Variants in OXCT1 observed in about 807,000 individuals in gnomAD.
OXCT1 encodes succinyl-CoA:3-ketoacid coenzyme A transferase 1, mitochondrial.
In OXCT1, 27 loss-of-function variants were observed where a neutral mutation model predicts 69.6. The observed-to-expected ratio is 0.39, with a 90% CI of 0.29 to 0.54. The LOEUF (loss-of-function observed/expected upper bound fraction) is 0.54, where lower values mean the gene tolerates loss of function less well. Among genes scored for constraint, OXCT1 ranks in the 20% least tolerant of loss-of-function variants. The pLI is 0.72. For missense variants in OXCT1, 437 were observed against 650.2 expected (o/e 0.67, Z 3.57); for synonymous variants, 202 against 217.8 (o/e 0.93, Z 0.64).
intron 7 of OXCT1, among the ~76,000 whole-genome samples, chr5:41,835,022 A>G (rs1435967784): frequency 1.3e-5 from 2 of 152,230 alleles, no homozygotes; most frequent in East Asian, 3.9e-4. Flanking sequence ...CAAAAGAACA[A>G]TGAAACAAAA....
At chr5:41,732,782 G>A (rs1041780328) in intron 16 of OXCT1, among the ~76,000 whole-genome samples, 2 of 152,158 alleles carry the variant, frequency 1.3e-5, no homozygotes, top group Non-Finnish European at 2.9e-5. Flanking sequence ...TCCTAATAGA[G>A]GTTAAATCAT....
chr5:41,854,540 ATT>A (rs1749338424), intron 3 of OXCT1, among the ~76,000 whole-genome samples: 1 of 152,166 alleles, frequency 6.6e-6, no homozygotes, highest in Non-Finnish European at 1.5e-5. Context: ...GAAATAAAAC[ATT>A]TCTAAGATAA....
intron 1 of OXCT1, among the ~76,000 whole-genome samples, chr5:41,863,025 G>A (rs184186741): frequency 7.5e-4 from 114 of 151,996 alleles, no homozygotes; most frequent in Non-Finnish European, 1.4e-3. Flanking sequence ...AGGAAAGTAC[G>A]GTACAATAAG....
At chr5:41,777,265 T>A (rs7733096) in intron 13 of OXCT1, among the ~76,000 whole-genome samples, 58,674 of 151,460 alleles carry the variant, frequency 0.39, 14,058 homozygotes, top group African/African-American at 0.68. Context: ...AAAATACAAT[T>A]ATTAGCCGGG....
chr5:41,859,813 A>G (rs542732635), intron 3 of OXCT1, among the ~76,000 whole-genome samples: 15 of 146,770 alleles, frequency 1.0e-4, no homozygotes, highest in Admixed American at 2.1e-4. Context: ...TTTTAGAGTG[A>G]TAGACTGACC....
At chr5:41,846,534 T>G (rs1383917489) in intron 5 of OXCT1, among the ~76,000 whole-genome samples, 3 of 150,044 alleles carry the variant, frequency 2.0e-5, no homozygotes, top group East Asian at 2.0e-4. Context: ...TCTATCATTG[T>G]TGGACATTTG....
intron 7 of OXCT1, among the ~76,000 whole-genome samples, chr5:41,836,554 GAC>G (rs1007158030): frequency 6.6e-6 from 1 of 152,188 alleles, no homozygotes; most frequent in Non-Finnish European, 1.5e-5. Context: ...TTTTGTGGAA[GAC>G]ACTTTTTCCA....
At chr5:41,779,591 C>T (rs1745296762) in intron 13 of OXCT1, among the ~76,000 whole-genome samples, 1 of 152,050 alleles carries the variant, frequency 6.6e-6, no homozygotes, top group Non-Finnish European at 1.5e-5. Context: ...TCTATGCTTA[C>T]TCACTTTCTA....
chr5:41,760,918 TC>T (rs1469028067), intron 14 of OXCT1, among the ~76,000 whole-genome samples: 1 of 152,110 alleles, frequency 6.6e-6, no homozygotes, highest in Non-Finnish European at 1.5e-5. Context: ...AACCAAACTT[TC>T]CCAGGGGAAG....
At chr5:41,866,364 A>G (rs1028073400) in intron 1 of OXCT1, among the ~76,000 whole-genome samples, 2 of 152,232 alleles carry the variant, frequency 1.3e-5, no homozygotes, top group African/African-American at 4.8e-5. Flanking sequence ...CTTAGCTTTA[A>G]GATTACTTTC....
intron 7 of OXCT1, among the ~76,000 whole-genome samples, chr5:41,828,237 A>G (rs1337970092): frequency 6.6e-6 from 1 of 151,632 alleles, no homozygotes; most frequent in Non-Finnish European, 1.5e-5. Context: ...CCTCCCGAGT[A>G]GCTGGGATTA....
intron 13 of OXCT1, among the ~76,000 whole-genome samples, chr5:41,767,873 A>G (rs377131414): frequency 1.5e-4 from 23 of 151,278 alleles, no homozygotes; most frequent in African/African-American, 4.1e-4. Flanking sequence ...TCCTACTGCT[A>G]TTGAGGCTTT....
intron 5 of OXCT1, among the ~76,000 whole-genome samples, chr5:41,843,899 T>C (rs1579860247): frequency 6.6e-6 from 1 of 152,210 alleles, no homozygotes; most frequent in East Asian, 1.9e-4. Context: ...GATCTTACTA[T>C]AGGAACTAAG....
intron 7 of OXCT1, among the ~76,000 whole-genome samples, chr5:41,815,499 C>A (rs1747194288): frequency 6.6e-6 from 1 of 152,048 alleles, no homozygotes; most frequent in East Asian, 1.9e-4. Context: ...TTTGTTTGCC[C>A]AGAAATGCCA....
At chr5:41,763,520 GTACAAAATATAAA>G (rs1300916487) in intron 13 of OXCT1, among the ~76,000 whole-genome samples, 1 of 151,970 alleles carries the variant, frequency 6.6e-6, no homozygotes, top group Non-Finnish European at 1.5e-5. Context: ...CATTGATATC[GTACAAAATATAAA>G]TAAGTCAGAG....
rs375414626 is a variant in OXCT1, at chr5:41,753,649, G to A, written c.1339-4042C>T. 5.9e-5 allele frequency among the ~76,000 whole-genome samples: 9 copies of A among 152,200 alleles called. No individual in the cohort carries two copies. In the East Asian group the frequency reaches 9.7e-4, roughly 16 times the overall value. ...TCCCCAGTGTGTGGCCCTCCTAGGT[G>A]CTCCTGTGCTTCCTCCTCCCTTCAC... On this transcript the variant is annotated intron_variant, in intron 14 of 16. Transcript: ENST00000196371.
At chr5:41,837,838 G>A (rs1748443112) in intron 7 of OXCT1, among the ~76,000 whole-genome samples, 1 of 151,982 alleles carries the variant, frequency 6.6e-6, no homozygotes, top group Non-Finnish European at 1.5e-5. Flanking sequence ...GTGTGACATT[G>A]GGTATATAAC....
chr5:41,836,931 C>T (rs920691535), intron 7 of OXCT1, among the ~76,000 whole-genome samples: 1 of 152,124 alleles, frequency 6.6e-6, no homozygotes, highest in South Asian at 2.1e-4. Context: ...AAATAAGTAA[C>T]ATCAAGGACA....
rs759697708 is a variant in OXCT1, at chr5:41,840,405, A to AAT, written c.732+45_732+46insAT. On this transcript the variant is annotated intron_variant, in intron 7 of 16. Coordinates refer to ENST00000196371, the MANE Select transcript of OXCT1 (RefSeq NM_000436.4). ...ACTTTTTCTTGAATTAATACTTAAC[A>AAT]TCAAGTTAAATAATTAACACCAAGA... 2.2e-3 allele frequency: 3,012 copies of AAT among 1,344,656 alleles called. 40 individuals are homozygous for AAT. The East Asian group carries it at 0.027, about 12-fold the overall frequency. The allele number at this position is 1,344,656 out of a possible 1,614,324, so 83.3% of individuals were successfully genotyped here.
Sources: allele counts gnomAD v4.1 joint callset (sites outside exome capture counted in the v4.1 genomes callset), GRCh38; gene constraint gnomAD v4.1.1; transcripts MANE v1.5; gene names NCBI Gene and HGNC (gene_info 2026-07-23, HGNC 2026-07-21).